Variants in OXNAD1 observed in about 807,000 individuals in gnomAD.
OXNAD1 encodes the protein oxidoreductase NAD-binding domain-containing protein 1.
OXNAD1 carries 34 observed loss-of-function variants against 32.9 expected under a neutral mutation model. The observed-to-expected ratio is 1.03, with a 90% CI of 0.79 to 1.38. The LOEUF is 1.38. OXNAD1 is among the 40% of genes most tolerant of loss of function. OXNAD1 has a pLI of 0.00. For missense variants in OXNAD1, 407 were observed against 379.4 expected (o/e 1.07, Z -0.60); for synonymous variants, 134 against 135.2 (o/e 0.99, Z 0.06).
Position 16,284,558 on chromosome 3 carries a change from T to C in OXNAD1, c.184-1784T>C, listed in dbSNP as rs1194730442. ...ATAGAAAAATAGTAAAAATCTGGTA[T>C]TATGGGATCACCTTGTATATGTGCT... is the stretch of plus-strand genomic sequence containing the variant. On this transcript the variant is annotated intron_variant, in intron 4 of 8. Coordinates refer to ENST00000285083, the MANE Select transcript of OXNAD1 (RefSeq NM_138381.5). This position sits in a 1 kb window ranked among gnomAD's most constrained non-coding sequence, Gnocchi z 4.1. Among the ~76,000 whole-genome samples, 3 of 152,234 alleles carry C rather than the reference T, an allele frequency of 2.0e-5. No homozygotes were observed. The highest frequency in any genetic ancestry group is 4.4e-5 in the Non-Finnish European group (3 of 68,040).
In OXNAD1 at chr3:16,303,922, G is replaced by A. The variant is rs550887381; in HGVS notation, c.*360G>A. 19 of 157,536 alleles carry A rather than the reference G, an allele frequency of 1.2e-4. No individual in the cohort carries two copies. In the South Asian group the frequency reaches 3.6e-3, roughly 30 times the overall value. 9.8% of individuals were successfully genotyped at this position (157,536 alleles called of 1,614,324 possible). The stretch of plus-strand genomic sequence containing the variant: ...AATGTGATTTTTGAGTATAAAATGT[G>A]GGCTAGCTTTAAATTATTTGACAGC... On this transcript the variant is annotated 3_prime_UTR_variant, in exon 9 of 9. Coordinates refer to ENST00000285083, the MANE Select transcript of OXNAD1 (RefSeq NM_138381.5). The surrounding 1 kb of genome is among the most constrained non-coding windows in gnomAD (Gnocchi z 4.8).
intron 9 of OXNAD1, among the ~76,000 whole-genome samples, chr3:16,318,172 C>G (rs909930796): frequency 6.6e-6 from 1 of 152,026 alleles, no homozygotes; most frequent in Non-Finnish European, 1.5e-5. Context: ...CGAGAGCGAG[C>G]CCCAGCTCCG....
At position 16,290,968 on chromosome 3, in the gene OXNAD1, G is replaced by A. The variant is rs1053840534; in HGVS notation, c.291-3888G>A. ...TTGGATGTTTATGTTTCCCAGATAT[G>A]GGGATGAGAATTTTTTGTGGTTCTG... On this transcript the variant is annotated intron_variant, in intron 5 of 8. Coordinates refer to ENST00000285083, the MANE Select transcript of OXNAD1 (RefSeq NM_138381.5). The surrounding 1 kb of genome is among the most constrained non-coding windows in gnomAD (Gnocchi z 4.2). Among the ~76,000 whole-genome samples, 1 of 152,268 alleles carries A rather than the reference G, an allele frequency of 6.6e-6. No homozygotes were observed. Among genetic ancestry groups the A allele is most frequent in the East Asian group, 1.9e-4 (1 of 5,178 alleles).
chr3:16,351,470 C>T (rs539313270), downstream of OXNAD1, among the ~76,000 whole-genome samples: 31 of 152,244 alleles, frequency 2.0e-4, no homozygotes, highest in East Asian at 4.1e-3. This position sits in a 1 kb window ranked among gnomAD's most constrained non-coding sequence, Gnocchi z 5.4. Flanking sequence ...AATACGCAGG[C>T]AGAGAGTGGA....
chr3:16,276,262 C>A (rs1360951760), intron 4 of OXNAD1: 3 of 233,104 alleles, frequency 1.3e-5, no homozygotes, highest in African/African-American at 7.1e-5. Flanking sequence ...TTTTCTTTGC[C>A]TCATTTAATA....
chr3:16,315,005 C>CT (rs1244615611), intron 9 of OXNAD1: 1 of 152,238 alleles, frequency 6.6e-6, no homozygotes, highest in Admixed American at 6.5e-5. Context: ...CCTTCAACCT[C>CT]TTTAAGCTCT....
Position 16,287,080 on chromosome 3 carries a change from T to C in OXNAD1, c.290+632T>C, listed in dbSNP as rs1251355301. Among the ~76,000 whole-genome samples, 1 of 152,228 alleles carries C rather than the reference T, an allele frequency of 6.6e-6. No individual in the cohort carries two copies. Among genetic ancestry groups the C allele is most frequent in the Admixed American group, 6.5e-5 (1 of 15,280 alleles). On this transcript the variant is annotated intron_variant, in intron 5 of 8. Coordinates refer to ENST00000285083, the MANE Select transcript of OXNAD1 (RefSeq NM_138381.5). This position sits in a 1 kb window ranked among gnomAD's most constrained non-coding sequence, Gnocchi z 4.8. ...TTTGACTCGGGACTGATCAGCATGC[T>C]GACTGGGTAACATTTCCTCCGAATG...
intron 2 of OXNAD1, among the ~76,000 whole-genome samples, chr3:16,270,415 C>T (rs1205774912): frequency 1.4e-4 from 22 of 152,152 alleles, no homozygotes; most frequent in Admixed American, 1.4e-3. Context: ...GTTACCTTAT[C>T]TCCTGTAGTA....
rs767278621 is a variant in OXNAD1 at position 16,265,222 on chromosome 3, C to G, written c.-442C>G. The G allele has an allele frequency of 8.0e-5, 23 of 287,914 alleles. No homozygotes were observed. Among genetic ancestry groups the G allele is most frequent in the Non-Finnish European group, 1.5e-4 (23 of 151,286 alleles). The allele number at this position is 287,914 out of a possible 1,614,324, so 17.8% of individuals were successfully genotyped here. A position where few individuals can be genotyped will look rare whatever the true frequency, so the allele number is the denominator to read the frequency against. ...GTCTGGGACCGCGGAGTATTCCAGG[C>G]GCCTGCAACTAAACGTGGCCGGGTC... is the stretch of plus-strand genomic sequence containing the variant. On this transcript the variant is annotated 5_prime_UTR_variant, in exon 1 of 9. Transcript: ENST00000285083. This position sits in a 1 kb window ranked among gnomAD's most constrained non-coding sequence, Gnocchi z 4.8.
intron 9 of OXNAD1, among the ~76,000 whole-genome samples, chr3:16,319,601 C>A (rs11922469): frequency 0.24 from 35,813 of 152,170 alleles, 5,890 homozygotes; most frequent in African/African-American, 0.47. Context: ...ATACTCTCTC[C>A]GGGGCTGCTC....
chr3:16,340,957 C>T (rs1036164095), downstream of OXNAD1, among the ~76,000 whole-genome samples: 1 of 152,126 alleles, frequency 6.6e-6, no homozygotes, highest in African/African-American at 2.4e-5. Flanking sequence ...TAAGACTAAA[C>T]AATAAGACAA....
chr3:16,341,327 CTT>C (rs949265269), downstream of OXNAD1, among the ~76,000 whole-genome samples: 2 of 152,190 alleles, frequency 1.3e-5, no homozygotes, highest in African/African-American at 4.8e-5. This position sits in a 1 kb window ranked among gnomAD's most constrained non-coding sequence, Gnocchi z 4.7. Flanking sequence ...AAGCTGAAAA[CTT>C]TTGTCCACAC....
rs2067019561 is a variant in OXNAD1 at position 16,299,354 on chromosome 3, C to G, written c.433-2272C>G. ...AGAATATTTTAAAGCACTTTGGTAG[C>G]CACTGTAGCAGTTCCTAGATTTTAG... On this transcript the variant is annotated intron_variant, in intron 6 of 8. Transcript: ENST00000285083. The surrounding 1 kb of genome is among the most constrained non-coding windows in gnomAD (Gnocchi z 4.4). 6.6e-6 allele frequency among the ~76,000 whole-genome samples: 1 copy of G among 152,142 alleles called. No homozygotes were observed. The highest frequency in any genetic ancestry group is 1.5e-5 in the Non-Finnish European group (1 of 68,018).
chr3:16,281,692 A>G (rs2125023514), intron 4 of OXNAD1, among the ~76,000 whole-genome samples: 1 of 152,216 alleles, frequency 6.6e-6, no homozygotes, highest in South Asian at 2.1e-4. Context: ...AAAATGACTA[A>G]TGCTTCCATT....
intron 9 of OXNAD1, among the ~76,000 whole-genome samples, chr3:16,324,613 A>ACCG (rs1553718055): frequency 1.1e-5 from 1 of 90,800 alleles, no homozygotes; most frequent in Admixed American, 1.2e-4. Flanking sequence ...AATGTCCCTG[A>ACCG]CCCCCCCCCT....
In OXNAD1 at chr3:16,321,290, T is replaced by G. The variant is rs1424584790; in HGVS notation, c.*31-15822T>G. 1.3e-5 allele frequency among the ~76,000 whole-genome samples: 2 copies of G among 151,862 alleles called. No individual in the cohort carries two copies. Among genetic ancestry groups the G allele is most frequent in the African/African-American group, 4.8e-5 (2 of 41,276 alleles). ...TTGGCACAGAGGTGGTGAAGGAGATTTTCTAAGGAAGAGGCAAGAGTGAAG... is the reference window on the plus strand; with the variant it reads ...TTGGCACAGAGGTGGTGAAGGAGATGTTCTAAGGAAGAGGCAAGAGTGAAG... On this transcript the variant is annotated intron_variant, in intron 9 of 9. Coordinates refer to the OXNAD1 transcript ENST00000435829. This position sits in a 1 kb window ranked among gnomAD's most constrained non-coding sequence, Gnocchi z 4.8.
chr3:16,307,472 G>A (rs1033081975), downstream of OXNAD1, among the ~76,000 whole-genome samples: 3 of 152,216 alleles, frequency 2.0e-5, no homozygotes, highest in African/African-American at 7.2e-5. Flanking sequence ...GGACAGGAAA[G>A]ATGAGGTCTG....
chr3:16,323,440 G>A, intron 9 of OXNAD1: 1 of 1,612,452 alleles, frequency 6.2e-7, no homozygotes, highest in Non-Finnish European at 8.5e-7. Flanking sequence ...AATCTGCTTG[G>A]TGGATACACT....
chr3:16,346,793 T>C lies in OXNAD1; in HGVS notation c.*31-2383T>C, dbSNP rs1211766377. Among the ~76,000 whole-genome samples, 4 of 152,158 alleles carry C rather than the reference T, an allele frequency of 2.6e-5. No homozygotes were observed. Among genetic ancestry groups the C allele is most frequent in the African/African-American group, 9.7e-5 (4 of 41,430 alleles). On this transcript the variant is annotated intron_variant, in intron 9 of 9. Transcript: ENST00000606098. This position sits in a 1 kb window ranked among gnomAD's most constrained non-coding sequence, Gnocchi z 4.4. ...TCACATTTGCATGAGACACCTAGAA[T>C]TGCCACAGTCACCTTGTGAGGAGGA...
Sources: allele counts gnomAD v4.1 joint callset (sites outside exome capture counted in the v4.1 genomes callset), GRCh38; gene constraint gnomAD v4.1.1; non-coding constraint Gnocchi (gnomAD v3.1); transcripts MANE v1.5; gene names NCBI Gene and HGNC (gene_info 2026-07-23, HGNC 2026-07-21).